Variants in CDH4 observed in about 807,000 individuals in gnomAD.
The protein encoded by CDH4 is cadherin 4.
CDH4 carries 33 observed loss-of-function variants against 86.0 expected under a neutral mutation model. The observed-to-expected ratio is 0.38, with a 90% CI of 0.29 to 0.51. The LOEUF (loss-of-function observed/expected upper bound fraction) is 0.51. Ranked by LOEUF, CDH4 falls within the 20% of genes least tolerant of loss-of-function variation. The pLI is 0.86. For synonymous variants in CDH4, 555 were observed against 549.4 expected (o/e 1.01, Z -0.14); for missense variants, 1,114 against 1,307.4 (o/e 0.85, Z 2.28).
intron 2 of CDH4, among the ~76,000 whole-genome samples, chr20:61,271,011 T>C (rs1169580824): frequency 6.6e-6 from 1 of 152,176 alleles, no homozygotes; most frequent in Non-Finnish European, 1.5e-5. Context: ...TTAAATACTA[T>C]AAGCACAATA....
At chr20:61,847,030 C>T (rs1321961057) in intron 5 of CDH4, among the ~76,000 whole-genome samples, 3 of 152,196 alleles carry the variant, frequency 2.0e-5, no homozygotes, top group Non-Finnish European at 1.5e-5. Context: ...CAGTGATTCC[C>T]AGGTGACCTG....
At chr20:61,824,826 G>A (rs1369809990) in intron 4 of CDH4, among the ~76,000 whole-genome samples, 1 of 152,190 alleles carries the variant, frequency 6.6e-6, no homozygotes, top group African/African-American at 2.4e-5. Context: ...CATGTGCCTT[G>A]TAAGAACAGG....
intron 4 of CDH4, among the ~76,000 whole-genome samples, chr20:61,840,512 A>G (rs1982111651): frequency 6.6e-6 from 1 of 152,196 alleles, no homozygotes; most frequent in Non-Finnish European, 1.5e-5. Context: ...GGTGAACACT[A>G]TCGCGGAGTC....
intron 9 of CDH4, among the ~76,000 whole-genome samples, chr20:61,921,268 C>T (rs1029167968): frequency 2.0e-5 from 3 of 147,538 alleles, no homozygotes; most frequent in Admixed American, 6.7e-5. Context: ...TGCGTGGAAG[C>T]GTGGTGTCAC....
intron 2 of CDH4, among the ~76,000 whole-genome samples, chr20:61,383,012 G>T (rs1378696044): frequency 6.8e-6 from 1 of 148,004 alleles, no homozygotes; most frequent in East Asian, 2.0e-4. Flanking sequence ...TGGTGGGGGA[G>T]TGTATTAGTC....
chr20:61,599,983 GTGACAGGTACCCCGTGCTAA>G (rs1369602475), intron 2 of CDH4: 3 of 983,674 alleles, frequency 3.0e-6, no homozygotes, highest in Non-Finnish European at 3.6e-6. Flanking sequence ...CTGAGCTGAA[GTGACAGGTACCCCGTGCTAA>G]TGATGGGGAA....
At chr20:61,683,161 T>C (rs2087535749) in intron 2 of CDH4, among the ~76,000 whole-genome samples, 1 of 152,180 alleles carries the variant, frequency 6.6e-6, no homozygotes, top group Admixed American at 6.5e-5. Flanking sequence ...ATAGGCTGTG[T>C]GTGAATGTGC....
At chr20:61,616,253 G>A (rs967157837) in intron 2 of CDH4, among the ~76,000 whole-genome samples, 55 of 152,226 alleles carry the variant, frequency 3.6e-4, no homozygotes, top group Non-Finnish European at 2.1e-4. Flanking sequence ...CCCTGGGGAT[G>A]CTGCCTCGCT....
intron 2 of CDH4, among the ~76,000 whole-genome samples, chr20:61,352,698 G>A (rs1458575664): frequency 2.0e-5 from 3 of 152,268 alleles, no homozygotes; most frequent in African/African-American, 4.8e-5. Context: ...TCTCTAGGGG[G>A]CCTGGCTGTT....
intron 7 of CDH4, among the ~76,000 whole-genome samples, chr20:61,884,557 G>A (rs572388226): frequency 3.9e-4 from 59 of 152,256 alleles, no homozygotes; most frequent in Middle Eastern, 3.4e-3. Context: ...GTGATCTCTC[G>A]GTGACAGCCT....
rs1393103276 is a variant in CDH4 at position 61,252,423 on chromosome 20, C to T, written c.-91C>T. The T allele has an allele frequency of 4.4e-5, 23 of 518,990 alleles. No individual in the cohort carries two copies. The South Asian group carries it at 1.3e-3, about 29-fold the overall frequency. 32.1% of individuals were successfully genotyped at this position (518,990 alleles called of 1,614,324 possible). The stretch of plus-strand genomic sequence containing the variant: ...GGGGAGCGGCGGCGGCGGCGGCGAT[C>T]GGAGCGGCGGCGGTGGTCTCGGCGG... On this transcript the variant is annotated 5_prime_UTR_variant, in exon 1 of 16. Coordinates refer to ENST00000614565, the MANE Select transcript of CDH4 (RefSeq NM_001794.5). The surrounding 1 kb of genome is among the most constrained non-coding windows in gnomAD (Gnocchi z 4.4).
chr20:61,832,740 G>A (rs550533602), intron 4 of CDH4, among the ~76,000 whole-genome samples: 2 of 152,094 alleles, frequency 1.3e-5, no homozygotes, highest in Non-Finnish European at 2.9e-5. Context: ...CAACACCTGG[G>A]TATTACAATT....
chr20:61,474,522 A>G (rs549973261), intron 2 of CDH4, among the ~76,000 whole-genome samples: 2 of 151,928 alleles, frequency 1.3e-5, no homozygotes, highest in South Asian at 2.1e-4. Flanking sequence ...GAAATGTAGT[A>G]CCTTCGGGGT....
chr20:61,722,319 C>T (rs1387660787), intron 2 of CDH4, among the ~76,000 whole-genome samples: 2 of 152,192 alleles, frequency 1.3e-5, no homozygotes, highest in African/African-American at 4.8e-5. Flanking sequence ...TCTAGCCCAG[C>T]GTGCTGGTCA....
chr20:61,723,166 C>T (rs973297450), intron 2 of CDH4, among the ~76,000 whole-genome samples: 2 of 152,158 alleles, frequency 1.3e-5, no homozygotes, highest in Non-Finnish European at 2.9e-5. Context: ...TTGTTTTTCC[C>T]GAAGAAGTCC....
chr20:61,720,079 C>T (rs113429465), intron 2 of CDH4, among the ~76,000 whole-genome samples: 3,308 of 152,018 alleles, frequency 0.022, 111 homozygotes, highest in African/African-American at 0.076. Context: ...GGGCAGTCGG[C>T]GGTGGGGGTT....
At chr20:61,470,834 AGATT>A (rs1298166096) in intron 2 of CDH4, among the ~76,000 whole-genome samples, 3 of 152,086 alleles carry the variant, frequency 2.0e-5, no homozygotes, top group Non-Finnish European at 4.4e-5. Context: ...TTGATATATC[AGATT>A]GATTGATTCA....
At chr20:61,695,890 T>C (rs568725978) in intron 2 of CDH4, among the ~76,000 whole-genome samples, 1 of 152,308 alleles carries the variant, frequency 6.6e-6, no homozygotes, top group South Asian at 2.1e-4. Flanking sequence ...CAGGAAAGGA[T>C]GCAGCTCCTC....
At chr20:61,852,502 A>G (rs573232969) in intron 5 of CDH4, among the ~76,000 whole-genome samples, 3 of 152,096 alleles carry the variant, frequency 2.0e-5, no homozygotes, top group Non-Finnish European at 4.4e-5. Context: ...GGGCCTGACC[A>G]TGGGGTGTTG....
Sources: allele counts gnomAD v4.1 joint callset (sites outside exome capture counted in the v4.1 genomes callset), GRCh38; gene constraint gnomAD v4.1.1; non-coding constraint Gnocchi (gnomAD v3.1); transcripts MANE v1.5; gene names NCBI Gene and HGNC (gene_info 2026-07-23, HGNC 2026-07-21).